PRKN: variants seen among roughly 807,000 people sequenced by gnomAD.
The protein encoded by PRKN is parkin RBR E3 ubiquitin protein ligase.
A neutral mutation model predicts 59.5 loss-of-function variants in PRKN; 56 were observed. The observed-to-expected ratio is 0.94, with a 90% confidence interval of 0.76 to 1.18. The LOEUF (loss-of-function observed/expected upper bound fraction) is 1.18, where lower values mean the gene tolerates loss of function less well. Ranked by LOEUF, PRKN falls within the 50% of genes most tolerant of loss-of-function variation. The pLI is 0.00. For missense variants in PRKN, 657 were observed against 596.4 expected (o/e 1.10, Z -1.06); for synonymous variants, 250 against 222.1 (o/e 1.13, Z -1.12).
chr6:162,657,110 G>C (rs780704263), intron 1 of PRKN, among the ~76,000 whole-genome samples: 1 of 152,132 alleles, frequency 6.6e-6, no homozygotes, highest in Non-Finnish European at 1.5e-5. Flanking sequence ...CCTAGTACAT[G>C]GCCTAGCAAT....
intron 6 of PRKN, among the ~76,000 whole-genome samples, chr6:161,886,325 A>G (rs575875967): frequency 1.3e-5 from 2 of 152,344 alleles, no homozygotes; most frequent in African/African-American, 4.8e-5. Context: ...AACCATAATT[A>G]AAATCTAAGC....
At chr6:162,090,406 G>A (rs1282591902) in intron 4 of PRKN, among the ~76,000 whole-genome samples, 1 of 152,044 alleles carries the variant, frequency 6.6e-6, no homozygotes, top group African/African-American at 2.4e-5. Context: ...TTTTCCTAGT[G>A]GCAGAAAGTA....
chr6:162,216,812 C>T (rs576244049), intron 3 of PRKN, among the ~76,000 whole-genome samples: 2 of 152,096 alleles, frequency 1.3e-5, no homozygotes, highest in Admixed American at 6.5e-5. Flanking sequence ...TGACAGCCAG[C>T]AAAATTATAT....
At chr6:162,316,337 C>T (rs1156323863) in intron 2 of PRKN, among the ~76,000 whole-genome samples, 1 of 151,928 alleles carries the variant, frequency 6.6e-6, no homozygotes, top group Non-Finnish European at 1.5e-5. Context: ...TGAGCCACAA[C>T]CAGGCTTATG....
intron 7 of PRKN, among the ~76,000 whole-genome samples, chr6:161,749,148 C>A (rs953820819): frequency 2.7e-4 from 41 of 152,218 alleles, no homozygotes; most frequent in Admixed American, 7.2e-4. Flanking sequence ...TGTTGCTAAC[C>A]CCCTCCGGGT....
At chr6:162,055,913 C>T (rs1365470830) in intron 4 of PRKN, among the ~76,000 whole-genome samples, 1 of 151,836 alleles carries the variant, frequency 6.6e-6, no homozygotes, top group African/African-American at 2.4e-5. Flanking sequence ...TCCCTCCCTC[C>T]CTCCTTTACC....
At chr6:162,388,086 T>C (rs1178153492) in intron 2 of PRKN, among the ~76,000 whole-genome samples, 2 of 152,132 alleles carry the variant, frequency 1.3e-5, no homozygotes, top group South Asian at 2.1e-4. Flanking sequence ...GACTGGGGTG[T>C]TATTTTAGGA....
At chr6:162,691,373 A>C (rs1777768437) in intron 1 of PRKN, among the ~76,000 whole-genome samples, 1 of 152,200 alleles carries the variant, frequency 6.6e-6, no homozygotes, top group Non-Finnish European at 1.5e-5. Context: ...AGACAGCTAC[A>C]TAACATGCTA....
chr6:162,220,167 A>T (rs1777867726), intron 3 of PRKN, among the ~76,000 whole-genome samples: 1 of 152,164 alleles, frequency 6.6e-6, no homozygotes, highest in Non-Finnish European at 1.5e-5. Flanking sequence ...ATCACCATAC[A>T]GAAAAATCAA....
chr6:162,710,374 A>AACACACACACACAC (rs138911423), intron 1 of PRKN, among the ~76,000 whole-genome samples: 2,716 of 125,212 alleles, frequency 0.022, 94 homozygotes, highest in African/African-American at 0.055. Context: ...ACCCCCTACA[A>AACACACACACACAC]ACACACACAC....
At chr6:162,380,726 TA>T (rs1199972497) in intron 2 of PRKN, among the ~76,000 whole-genome samples, 5 of 150,556 alleles carry the variant, frequency 3.3e-5, no homozygotes, top group Admixed American at 1.3e-4. Flanking sequence ...CTCTACTGTT[TA>T]AAAAAAAACC....
chr6:161,709,092 G>A (rs763366451), intron 7 of PRKN, among the ~76,000 whole-genome samples: 12 of 152,144 alleles, frequency 7.9e-5, no homozygotes, highest in Non-Finnish European at 1.0e-4. Context: ...TAAATGATTG[G>A]ACATCTTAGT....
Position 162,443,514 on chromosome 6 carries a change from C to T in PRKN, c.8-41G>A, listed in dbSNP as rs1048626152. 7 of 1,592,334 alleles carry T rather than the reference C, an allele frequency of 4.4e-6. No individual in the cohort carries two copies. In the African/African-American group the frequency reaches 9.4e-5, roughly 21 times the overall value. On this transcript the variant is annotated intron_variant, in intron 1 of 11. Transcript: ENST00000366898. ...GGAAGGGAGAAGAGAAAGTGAGCAT[C>T]ACTCGAAGCCCTTAAATGGTGATAG...
At chr6:161,763,854 G>T (rs1194043779) in intron 7 of PRKN, among the ~76,000 whole-genome samples, 2 of 152,084 alleles carry the variant, frequency 1.3e-5, no homozygotes, top group African/African-American at 4.8e-5. Flanking sequence ...ACGCCTGCCT[G>T]CCCTTCCTCC....
chr6:161,446,089 A>C lies in PRKN; in HGVS notation c.1084-59212T>G, dbSNP rs1007733826. ...TGTGGTGGCACATGCCTATGGTCCC[A>C]GGTATCTGGAGCATGGGGTGGTGGT... is the stretch of plus-strand genomic sequence containing the variant. On this transcript the variant is annotated intron_variant, in intron 9 of 11. Transcript: ENST00000366898. This position sits in a 1 kb window ranked among gnomAD's most constrained non-coding sequence, Gnocchi z 6.2. Among the ~76,000 whole-genome samples the C allele has an allele frequency of 7.4e-5, 10 of 135,402 alleles. No individual in the cohort carries two copies. In the South Asian group the frequency reaches 1.1e-3, roughly 15 times the overall value. 88.8% of individuals were successfully genotyped at this position (135,402 alleles called of 152,430 possible).
chr6:161,439,626 C>T (rs894091577), intron 9 of PRKN, among the ~76,000 whole-genome samples: 2 of 152,066 alleles, frequency 1.3e-5, no homozygotes, highest in Admixed American at 1.3e-4. Flanking sequence ...GATCTCCGAG[C>T]GATTCCATCT....
chr6:162,243,943 T>C (rs1237976985), intron 3 of PRKN, among the ~76,000 whole-genome samples: 1 of 152,072 alleles, frequency 6.6e-6, no homozygotes, highest in African/African-American at 2.4e-5. Flanking sequence ...GCAACAACTG[T>C]CAAACAGCTG....
At chr6:162,548,380 A>G (rs1042104609) in intron 1 of PRKN, among the ~76,000 whole-genome samples, 4 of 152,178 alleles carry the variant, frequency 2.6e-5, no homozygotes, top group African/African-American at 9.7e-5. Context: ...TTTTTTAAAC[A>G]TTCAGAAAAA....
At chr6:162,512,290 C>G (rs984055565) in intron 1 of PRKN, among the ~76,000 whole-genome samples, 10 of 152,136 alleles carry the variant, frequency 6.6e-5, no homozygotes, top group Admixed American at 5.2e-4. Context: ...CAAGCATTAA[C>G]TATGGAATTT....
Sources: allele counts gnomAD v4.1 joint callset (sites outside exome capture counted in the v4.1 genomes callset), GRCh38; gene constraint gnomAD v4.1.1; non-coding constraint Gnocchi (gnomAD v3.1); transcripts MANE v1.5; gene names NCBI Gene and HGNC (gene_info 2026-07-23, HGNC 2026-07-21).